The following BCAS3 variants were observed in gnomAD, a reference collection of about 807,000 sequenced individuals.
The protein encoded by BCAS3 is BCAS3 microtubule associated cell migration factor.
A neutral mutation model predicts 116.1 loss-of-function variants in BCAS3; 53 were observed. That is an observed-to-expected ratio of 0.46 (90% CI 0.37 to 0.57). The LOEUF (loss-of-function observed/expected upper bound fraction) is 0.57. Ranked by LOEUF, BCAS3 falls within the 20% of genes least tolerant of loss-of-function variation. BCAS3 has a pLI of 0.00. For missense variants in BCAS3, 917 were observed against 1,165.4 expected, an observed-to-expected ratio of 0.79 and a Z score of 3.10; for synonymous variants, 391 against 408.2, an observed-to-expected ratio of 0.96 and a Z score of 0.51.
chr17:60,771,638 G>C (rs1358305029), intron 6 of BCAS3, among the ~76,000 whole-genome samples: 1 of 151,924 alleles, frequency 6.6e-6, no homozygotes, highest in African/African-American at 2.4e-5. Flanking sequence ...TGCCATGTTG[G>C]TGTGCTGCAC....
chr17:60,893,204 C>G (rs2145018067), intron 10 of BCAS3, among the ~76,000 whole-genome samples: 1 of 152,174 alleles, frequency 6.6e-6, no homozygotes, highest in African/African-American at 2.4e-5. Flanking sequence ...TCTGTTTACT[C>G]TATCGATTAT....
intron 22 of BCAS3, among the ~76,000 whole-genome samples, chr17:61,294,914 C>G (rs1292722834): frequency 6.6e-6 from 1 of 152,194 alleles, no homozygotes; most frequent in African/African-American, 2.4e-5. Flanking sequence ...CCCTATGGTG[C>G]CTTCAGTATG....
intron 12 of BCAS3, among the ~76,000 whole-genome samples, chr17:60,913,603 C>T (rs970132272): frequency 2.0e-5 from 3 of 152,004 alleles, no homozygotes; most frequent in East Asian, 1.9e-4. Context: ...TAGCCCCTTC[C>T]GCTGATGTTT....
At chr17:60,842,250 A>T (rs1397073549) in intron 7 of BCAS3, among the ~76,000 whole-genome samples, 1 of 152,226 alleles carries the variant, frequency 6.6e-6, no homozygotes, top group African/African-American at 2.4e-5. Context: ...TAACCAGATC[A>T]TTGGATAATA....
At chr17:60,986,205 C>T (rs1026175607) in intron 14 of BCAS3, among the ~76,000 whole-genome samples, 2 of 152,144 alleles carry the variant, frequency 1.3e-5, no homozygotes, top group African/African-American at 2.4e-5. Flanking sequence ...TACTCCATTG[C>T]GTATATATAC....
rs2080470418 is a variant in BCAS3 at position 61,196,229 on chromosome 17, T to C, written c.2425+111665T>C. 6.6e-6 allele frequency among the ~76,000 whole-genome samples: 1 copy of C among 152,188 alleles called. No individual in the cohort carries two copies. The highest frequency in any genetic ancestry group is 1.5e-5 in the Non-Finnish European group (1 of 68,036). On this transcript the variant is annotated intron_variant, in intron 22 of 23. Coordinates refer to ENST00000407086, the MANE Select transcript of BCAS3 (RefSeq NM_017679.5). The surrounding 1 kb of genome is among the most constrained non-coding windows in gnomAD (Gnocchi z 4.7). Reference sequence around the variant, plus strand: ...GTAACACAGTGAATCTCAGAATTTATTTTTTCAACTGATACTTCCAGCTCT... The same window carrying C: ...GTAACACAGTGAATCTCAGAATTTACTTTTTCAACTGATACTTCCAGCTCT...
rs550537735 is a variant in BCAS3 at position 60,846,775 on chromosome 17, C to T, written c.477-21801C>T. On this transcript the variant is annotated intron_variant, in intron 7 of 23. Transcript: ENST00000407086. ...CCTCCCTGCCTCCCTCCCTTCATTC[C>T]TTCTTTCCTTCTTCCCTCCCTCCCT... is the stretch of plus-strand genomic sequence containing the variant. 7.2e-5 allele frequency among the ~76,000 whole-genome samples: 11 copies of T among 152,076 alleles called. No individual in the cohort carries two copies. In the South Asian group the frequency reaches 2.3e-3, roughly 32 times the overall value.
intron 9 of BCAS3, among the ~76,000 whole-genome samples, chr17:60,882,618 A>G (rs2056276498): frequency 6.6e-6 from 1 of 151,596 alleles, no homozygotes. Context: ...TGATTTTTGT[A>G]TAAGGTGTAA....
rs2054147106 is a variant in BCAS3 at position 61,309,719 on chromosome 17, G to A, written c.2426-58608G>A. Among the ~76,000 whole-genome samples, 1 of 152,202 alleles carries A rather than the reference G, an allele frequency of 6.6e-6. No homozygotes were observed. Among genetic ancestry groups the A allele is most frequent in the Non-Finnish European group, 1.5e-5 (1 of 68,040 alleles). On this transcript the variant is annotated intron_variant, in intron 22 of 23. Transcript: ENST00000407086. The surrounding 1 kb of genome is among the most constrained non-coding windows in gnomAD (Gnocchi z 4.6). Reference sequence around the variant, plus strand: ...TGGAGAGATGACCCAGGGTCTTTGGGATTGCGGAACAGCTGCTGTGGAAAA... The same window carrying A: ...TGGAGAGATGACCCAGGGTCTTTGGAATTGCGGAACAGCTGCTGTGGAAAA...
chr17:60,733,337 G>A (rs1322636681), intron 5 of BCAS3, among the ~76,000 whole-genome samples: 1 of 152,110 alleles, frequency 6.6e-6, no homozygotes, highest in Non-Finnish European at 1.5e-5. Context: ...TGTTGTGATA[G>A]GACATGATTT....
rs2061159766 is a variant in BCAS3, at chr17:60,956,878, T to A, written c.1221+9526T>A. On this transcript the variant is annotated intron_variant, in intron 14 of 23. Transcript: ENST00000407086. This position sits in a 1 kb window ranked among gnomAD's most constrained non-coding sequence, Gnocchi z 4.2. ...CGTGAAATCTATATGTCACATGATC[T>A]GTTTGGCCCTCTTTGAGTACTACAA... Among the ~76,000 whole-genome samples the A allele has an allele frequency of 6.6e-6, 1 of 152,196 alleles. No individual in the cohort carries two copies. Among genetic ancestry groups the A allele is most frequent in the South Asian group, 2.1e-4 (1 of 4,838 alleles).
At chr17:60,934,121 A>AC (rs1455543110) in intron 13 of BCAS3, among the ~76,000 whole-genome samples, 1 of 152,040 alleles carries the variant, frequency 6.6e-6, no homozygotes, top group African/African-American at 2.4e-5. Flanking sequence ...CAGAAAAAAA[A>AC]ACATGGTTTT....
chr17:60,936,679 A>G (rs1318901578), intron 13 of BCAS3, among the ~76,000 whole-genome samples: 1 of 152,080 alleles, frequency 6.6e-6, no homozygotes, highest in African/African-American at 2.4e-5. Flanking sequence ...GTCTGTTCAT[A>G]TCCTTCACCC....
intron 9 of BCAS3, among the ~76,000 whole-genome samples, chr17:60,875,353 G>A (rs895362221): frequency 2.0e-5 from 3 of 152,056 alleles, no homozygotes; most frequent in African/African-American, 7.2e-5. Context: ...TTTGTGGTAA[G>A]TCCTCATTTG....
At chr17:61,075,711 T>G (rs527847715) in intron 20 of BCAS3, among the ~76,000 whole-genome samples, 1 of 152,298 alleles carries the variant, frequency 6.6e-6, no homozygotes, top group East Asian at 1.9e-4. Context: ...CTCAGCAATC[T>G]TTGGGATTTG....
chr17:60,958,111 G>C (rs866658615), intron 14 of BCAS3, among the ~76,000 whole-genome samples: 5 of 152,332 alleles, frequency 3.3e-5, no homozygotes, highest in Middle Eastern at 3.4e-3. Flanking sequence ...GGGAACCCTA[G>C]TGGAGCCTAG....
rs190987787 is a variant in BCAS3, at chr17:60,959,653, T to C, written c.1221+12301T>C. Among the ~76,000 whole-genome samples, 12 of 152,324 alleles carry C rather than the reference T, an allele frequency of 7.9e-5. 1 individual carries two copies. The highest frequency in any genetic ancestry group is 6.5e-4 in the Admixed American group (10 of 15,304). ...CAGTCCTGGGGCAGATTGTTCATATTATAAAATTCATGTTGTTCAGGATGA... is the reference window on the plus strand; with the variant it reads ...CAGTCCTGGGGCAGATTGTTCATATCATAAAATTCATGTTGTTCAGGATGA... On this transcript the variant is annotated intron_variant, in intron 14 of 23. Coordinates refer to ENST00000407086, the MANE Select transcript of BCAS3 (RefSeq NM_017679.5).
rs138091194 is a variant in BCAS3 at position 61,182,686 on chromosome 17, G to A, written c.2425+98122G>A. 7.2e-3 allele frequency among the ~76,000 whole-genome samples: 1,092 copies of A among 152,236 alleles called. 8 individuals carry two copies. The highest frequency in any genetic ancestry group is 0.025 in the African/African-American group (1,027 of 41,558). Reference sequence around the variant, plus strand: ...AGGAGCTCACACTCCCCAACCCTACGCAGTCATTGATCTAATTTCTGTCTC... The same window carrying A: ...AGGAGCTCACACTCCCCAACCCTACACAGTCATTGATCTAATTTCTGTCTC... On this transcript the variant is annotated intron_variant, in intron 22 of 23. Transcript: ENST00000407086.
In BCAS3 at chr17:61,220,903, A is replaced by G. The variant is rs1005613945; in HGVS notation, c.2425+136339A>G. Among the ~76,000 whole-genome samples the G allele has an allele frequency of 2.6e-5, 4 of 152,180 alleles. No homozygotes were observed. The highest frequency in any genetic ancestry group is 9.7e-5 in the African/African-American group (4 of 41,432). ...ATCACGAGGTCAGGAGATCGAGACCATCCTGGCCAACACGGTGAAACCCCA... is the reference window on the plus strand; with the variant it reads ...ATCACGAGGTCAGGAGATCGAGACCGTCCTGGCCAACACGGTGAAACCCCA... On this transcript the variant is annotated intron_variant, in intron 22 of 23. Transcript: ENST00000407086. This position sits in a 1 kb window ranked among gnomAD's most constrained non-coding sequence, Gnocchi z 4.5.
Sources: allele counts gnomAD v4.1 joint callset (sites outside exome capture counted in the v4.1 genomes callset), GRCh38; gene constraint gnomAD v4.1.1; non-coding constraint Gnocchi (gnomAD v3.1); transcripts MANE v1.5; gene names NCBI Gene and HGNC (gene_info 2026-07-23, HGNC 2026-07-21).